The following PEAK1 variants were observed in gnomAD, a reference collection of about 807,000 sequenced individuals.
PEAK1 encodes inactive tyrosine-protein kinase PEAK1.
Under a neutral mutation model 124.7 loss-of-function variants are expected in PEAK1, and 54 were observed. The observed-to-expected ratio is 0.43, with a 90% confidence interval of 0.35 to 0.54. The LOEUF is 0.54. Ranked by LOEUF, PEAK1 falls within the 20% of genes least tolerant of loss-of-function variation. The pLI is 0.01. For synonymous variants in PEAK1, 719 were observed against 760.0 expected, an observed-to-expected ratio of 0.95 and a Z score of 0.89; for missense variants, 2,046 against 2,134.5, an observed-to-expected ratio of 0.96 and a Z score of 0.82.
chr15:77,246,933 G>T (rs1036514774), intron 6 of PEAK1, among the ~76,000 whole-genome samples: 1 of 152,034 alleles, frequency 6.6e-6, no homozygotes. Flanking sequence ...TTCGAGAATC[G>T]TTTGAACTTG....
Position 77,114,641 on chromosome 15 carries a change from G to A in PEAK1, c.4756C>T (p.Gln1586Ter). The A allele has an allele frequency of 6.2e-7, 1 of 1,613,976 alleles. No individual in the cohort carries two copies. ...TGGAACTCATCACACTTTTTATACT[G>A]GGTAGCTGTTATGATCTCTGGGGCA... ...RLAPEIITAT[Q>*]YKKCDEFQTG... Residue 1586 changes from glutamine to a stop codon, truncating the protein, a stop_gained, in exon 10 of 10, where the codon CAG (glutamine) becomes TAG (stop). Transcript: ENST00000682557. LOFTEE classifies it high-confidence loss of function.
chr15:77,226,051 A>AT (rs1161613948), intron 6 of PEAK1, among the ~76,000 whole-genome samples: 14 of 52,340 alleles, frequency 2.7e-4, no homozygotes, highest in South Asian at 2.0e-3. Flanking sequence ...AGGGATATAT[A>AT]TATATATATA....
chr15:77,316,715 G>A (rs961472274), intron 2 of PEAK1, among the ~76,000 whole-genome samples: 1 of 152,162 alleles, frequency 6.6e-6, no homozygotes, highest in African/African-American at 2.4e-5. Context: ...CATGTACACA[G>A]TGAAGTAACA....
intron 5 of PEAK1, among the ~76,000 whole-genome samples, chr15:77,274,431 T>A (rs559231377): frequency 2.7e-5 from 4 of 150,248 alleles, no homozygotes; most frequent in African/African-American, 9.8e-5. Context: ...AAAAAAAAAA[T>A]CCCATCAAGT....
At chr15:77,217,062 C>G (rs2059179338) in intron 6 of PEAK1, among the ~76,000 whole-genome samples, 1 of 151,164 alleles carries the variant, frequency 6.6e-6, no homozygotes, top group African/African-American at 2.4e-5. Flanking sequence ...GAGACCCTGC[C>G]TATACAAAAA....
downstream of PEAK1, chr15:77,107,962 A>C (rs1701771364): frequency 6.6e-6 from 1 of 152,248 alleles, no homozygotes; most frequent in South Asian, 2.1e-4. Context: ...TTAGACAGGG[A>C]ATAAAGAGAA....
chr15:77,328,832 A>G (rs972882889), intron 2 of PEAK1, among the ~76,000 whole-genome samples: 1 of 152,214 alleles, frequency 6.6e-6, no homozygotes, highest in Non-Finnish European at 1.5e-5. Flanking sequence ...TCAGGAAGCA[A>G]CAACAAACAC....
chr15:77,191,713 T>G (rs772206255), intron 6 of PEAK1, among the ~76,000 whole-genome samples: 7 of 152,166 alleles, frequency 4.6e-5, no homozygotes, highest in Non-Finnish European at 1.0e-4. Context: ...TATTGTGCTT[T>G]AAGAATTCAG....
At chr15:77,175,899 T>C (rs2056832383) in intron 7 of PEAK1, among the ~76,000 whole-genome samples, 1 of 152,174 alleles carries the variant, frequency 6.6e-6, no homozygotes, top group African/African-American at 2.4e-5. Flanking sequence ...GTGGCACATA[T>C]ACACCACAGA....
intron 5 of PEAK1, among the ~76,000 whole-genome samples, chr15:77,260,274 G>C (rs2061372817): frequency 6.6e-6 from 1 of 152,114 alleles, no homozygotes; most frequent in Non-Finnish European, 1.5e-5. Context: ...TAACAAAAAT[G>C]CTTTTCAGGA....
At chr15:77,250,655 C>T (rs373008067) in intron 6 of PEAK1, among the ~76,000 whole-genome samples, 1 of 152,082 alleles carries the variant, frequency 6.6e-6, no homozygotes, top group African/African-American at 2.4e-5. Flanking sequence ...GGATGGTCTC[C>T]ATCTCCTGAC....
In PEAK1 at chr15:77,388,161, T is replaced by G. The variant is rs575079328; in HGVS notation, c.-665-22936A>C. On this transcript the variant is annotated intron_variant, in intron 1 of 9. Transcript: ENST00000682557. The stretch of plus-strand genomic sequence containing the variant: ...GTAAGTCATGATAGCATCACTACAC[T>G]CCAGCCTGGGCAACAGAGCAAGATC... 2.0e-5 allele frequency among the ~76,000 whole-genome samples: 3 copies of G among 152,118 alleles called. No homozygotes were observed. In the East Asian group the frequency reaches 5.8e-4, roughly 29 times the overall value.
At chr15:77,418,106 A>G (rs2073037571) in intron 1 of PEAK1, 5 of 983,692 alleles carry the variant, frequency 5.1e-6, no homozygotes, top group Non-Finnish European at 6.0e-6. Context: ...TTTGAATGTT[A>G]ATAGGCTACA....
intron 2 of PEAK1, among the ~76,000 whole-genome samples, chr15:77,329,845 A>T (rs1204758365): frequency 1.3e-5 from 2 of 152,170 alleles, no homozygotes; most frequent in African/African-American, 4.8e-5. Flanking sequence ...GGAAAACAAG[A>T]ATGACAGGGA....
chr15:77,103,149 C>T (rs12901739), exon 7 of PEAK1: 98,986 of 152,010 alleles, frequency 0.65, 33,195 homozygotes, highest in Non-Finnish European at 0.75. Context: ...GATTTTTTTG[C>T]TTTTGTTTTT....
intron 2 of PEAK1, among the ~76,000 whole-genome samples, chr15:77,303,083 T>C (rs1427339582): frequency 6.6e-6 from 1 of 152,204 alleles, no homozygotes; most frequent in Admixed American, 6.5e-5. Context: ...ATCCATGTCT[T>C]TTCATGATTT....
At chr15:77,365,126 T>C (rs1010975825) in intron 2 of PEAK1, 37 bp downstream of exon 2, 4 of 743,356 alleles carry the variant, frequency 5.4e-6, no homozygotes, top group Non-Finnish European at 4.9e-6. Context: ...TTATAAAATA[T>C]ATATTAAAAG....
intron 1 of PEAK1, among the ~76,000 whole-genome samples, chr15:77,413,087 A>T (rs558077070): frequency 2.2e-4 from 33 of 152,362 alleles, no homozygotes; most frequent in East Asian, 9.6e-4. Context: ...AGGAAAATTT[A>T]AAAAAGTACC....
intron 2 of PEAK1, among the ~76,000 whole-genome samples, chr15:77,289,350 T>C (rs2063094648): frequency 6.6e-6 from 1 of 152,332 alleles, no homozygotes; most frequent in Non-Finnish European, 1.5e-5. Flanking sequence ...TAAGGTAACA[T>C]AAGACTCTAT....
Sources: gnomAD v4.1 joint callset for allele counts (sites outside exome capture counted in the v4.1 genomes callset) on GRCh38, gnomAD v4.1.1 for gene constraint, MANE v1.5 for transcripts, NCBI Gene and HGNC (gene_info 2026-07-23, HGNC 2026-07-21) for gene names.